Variants in EHBP1 observed in about 807,000 individuals in gnomAD.
EHBP1 encodes the protein EH domain-binding protein 1.
A neutral mutation model predicts 144.0 loss-of-function variants in EHBP1; 55 were observed. The observed-to-expected ratio is 0.38, with a 90% confidence interval of 0.31 to 0.48. EHBP1 has a LOEUF of 0.48. Among genes scored for constraint, EHBP1 ranks in the 20% least tolerant of loss-of-function variants. EHBP1 has a pLI of 0.98. For synonymous variants in EHBP1, 469 were observed against 472.7 expected (o/e 0.99, Z 0.10); for missense variants, 1,200 against 1,364.2 (o/e 0.88, Z 1.90).
At chr2:62,890,666 G>A (rs2052382155) in intron 10 of EHBP1, among the ~76,000 whole-genome samples, 1 of 152,106 alleles carries the variant, frequency 6.6e-6, no homozygotes, top group Non-Finnish European at 1.5e-5. Context: ...TCTAGATATT[G>A]GATTATGTCG....
intron 19 of EHBP1, among the ~76,000 whole-genome samples, chr2:63,020,507 AAAAAAAAGAAAG>A (rs1306389663): frequency 1.3e-5 from 2 of 151,492 alleles, no homozygotes; most frequent in African/African-American, 4.8e-5. Context: ...CATCTCAAAA[AAAAAAAAGAAAG>A]AAAAAAGAAA....
intron 5 of EHBP1, among the ~76,000 whole-genome samples, chr2:62,774,032 A>G (rs2041883563): frequency 6.6e-6 from 1 of 152,020 alleles, no homozygotes; most frequent in Non-Finnish European, 1.5e-5. Context: ...TTGAACTTGC[A>G]TAAGCCAATC....
At chr2:62,707,389 ATAGTGCAC>A in intron 2 of EHBP1, 94 bp downstream of exon 2, 2 of 892,278 alleles carry the variant, frequency 2.2e-6, no homozygotes, top group South Asian at 2.8e-5. Flanking sequence ...TTACCTTTCT[ATAGTGCAC>A]TAGTGTGTAG....
At chr2:62,931,620 T>C (rs947402096) in intron 10 of EHBP1, among the ~76,000 whole-genome samples, 2 of 152,198 alleles carry the variant, frequency 1.3e-5, no homozygotes, top group African/African-American at 4.8e-5. Context: ...TCCAAAAATA[T>C]TAAATGGAAA....
intron 5 of EHBP1, among the ~76,000 whole-genome samples, chr2:62,778,072 T>G (rs1227765914): frequency 2.0e-5 from 3 of 152,182 alleles, no homozygotes; most frequent in African/African-American, 7.2e-5. Context: ...ATGTGTTTTC[T>G]TGGTGCTACC....
rs1170671190 is a variant in EHBP1 at position 62,807,497 on chromosome 2, G to C, written c.313-18590G>C. On this transcript the variant is annotated intron_variant, in intron 5 of 22. Coordinates refer to ENST00000431489, the MANE Select transcript of EHBP1 (RefSeq NM_001142616.3). ...CAGGAGGCGGAGGTTGCAGTGAGCTGAACTGGCACCATTGCACTCCAGCCT... is the reference window on the plus strand; with the variant it reads ...CAGGAGGCGGAGGTTGCAGTGAGCTCAACTGGCACCATTGCACTCCAGCCT... 2.0e-5 allele frequency among the ~76,000 whole-genome samples: 3 copies of C among 152,142 alleles called. No homozygotes were observed. In the East Asian group the frequency reaches 5.8e-4, roughly 29 times the overall value.
chr2:62,732,885 C>G (rs1283655242), intron 2 of EHBP1, among the ~76,000 whole-genome samples: 2 of 152,172 alleles, frequency 1.3e-5, no homozygotes, highest in African/African-American at 4.8e-5. Flanking sequence ...GACATTTTCT[C>G]AAGTTAACTT....
At chr2:62,869,326 C>T (rs1435557684) in intron 9 of EHBP1, among the ~76,000 whole-genome samples, 1 of 152,144 alleles carries the variant, frequency 6.6e-6, no homozygotes, top group African/African-American at 2.4e-5. Context: ...CATATGTCCA[C>T]AAAGACTTCT....
At chr2:62,744,303 T>C (rs919935147) in intron 2 of EHBP1, among the ~76,000 whole-genome samples, 13 of 152,138 alleles carry the variant, frequency 8.5e-5, no homozygotes, top group Non-Finnish European at 1.8e-4. Flanking sequence ...ACTTTTTTTA[T>C]AGGAAGTTGT....
At chr2:62,758,231 C>T (rs910422332) in intron 3 of EHBP1, among the ~76,000 whole-genome samples, 1 of 152,092 alleles carries the variant, frequency 6.6e-6, no homozygotes, top group African/African-American at 2.4e-5. Context: ...GCCTCAGCCT[C>T]CTGAATAGCT....
intron 1 of EHBP1, among the ~76,000 whole-genome samples, chr2:62,687,250 T>A (rs1477459152): frequency 2.6e-5 from 4 of 152,256 alleles, no homozygotes; most frequent in Admixed American, 1.3e-4. Context: ...AAAGTAAACT[T>A]TTTATTTAAA....
At chr2:62,783,122 A>G (rs1346469441) in intron 5 of EHBP1, among the ~76,000 whole-genome samples, 1 of 152,234 alleles carries the variant, frequency 6.6e-6, no homozygotes, top group Non-Finnish European at 1.5e-5. Context: ...TTAAAGTTCC[A>G]AAATGATCTC....
chr2:62,895,278 TATCATCATCATCATCATCATC>T (rs10700628), intron 10 of EHBP1, among the ~76,000 whole-genome samples: 2 of 149,686 alleles, frequency 1.3e-5, no homozygotes, highest in Non-Finnish European at 3.0e-5. Flanking sequence ...ATGTAAATTC[TATCATCATCATCATCATCATC>T]ATCATCATCA....
chr2:63,023,567 T>C (rs1012966192), intron 19 of EHBP1, among the ~76,000 whole-genome samples: 3 of 152,226 alleles, frequency 2.0e-5, no homozygotes, highest in Non-Finnish European at 4.4e-5. Flanking sequence ...TGACTGGTTG[T>C]AGACTGCTCT....
chr2:62,707,371 T>C, intron 2 of EHBP1, 76 bp downstream of exon 2: 2 of 1,079,342 alleles, frequency 1.9e-6, no homozygotes, highest in Non-Finnish European at 2.9e-6. Flanking sequence ...GGTCTTCTGA[T>C]AGTATATTTA....
At chr2:62,842,877 A>G (rs1027000185) in intron 7 of EHBP1, among the ~76,000 whole-genome samples, 3 of 152,204 alleles carry the variant, frequency 2.0e-5, no homozygotes, top group African/African-American at 7.2e-5. Flanking sequence ...AAAAATGATA[A>G]TATGTTACAG....
At chr2:62,810,287 G>A (rs1201409018) in intron 5 of EHBP1, among the ~76,000 whole-genome samples, 1 of 152,164 alleles carries the variant, frequency 6.6e-6, no homozygotes, top group Non-Finnish European at 1.5e-5. Flanking sequence ...ACAGAATCAC[G>A]GAAGATGAAA....
chr2:62,927,737 C>G (rs2055640685), intron 10 of EHBP1, among the ~76,000 whole-genome samples: 1 of 152,100 alleles, frequency 6.6e-6, no homozygotes, highest in South Asian at 2.1e-4. Context: ...AAGTAGAGGA[C>G]TTGGACAACA....
At chr2:62,697,934 C>G (rs1275021064) in intron 1 of EHBP1, among the ~76,000 whole-genome samples, 1 of 152,188 alleles carries the variant, frequency 6.6e-6, no homozygotes, top group African/African-American at 2.4e-5. Context: ...GACCAGGTCC[C>G]ATTATACACG....
Sources: gnomAD v4.1 joint callset for allele counts (sites outside exome capture counted in the v4.1 genomes callset) on GRCh38, gnomAD v4.1.1 for gene constraint, MANE v1.5 for transcripts, NCBI Gene and HGNC (gene_info 2026-07-23, HGNC 2026-07-21) for gene names.